SLC22A23: variants seen among roughly 807,000 people sequenced by gnomAD.
SLC22A23 encodes the protein ion transporter protein.
SLC22A23 carries 26 observed loss-of-function variants against 61.0 expected under a neutral mutation model. The ratio of observed to expected loss-of-function variants is 0.43; its 90% CI spans 0.31 to 0.59. SLC22A23 has a LOEUF of 0.59. SLC22A23 is among the 20% of genes least tolerant of loss of function. The pLI is 0.11. For missense variants in SLC22A23, 796 were observed against 934.7 expected (o/e 0.85, Z 1.94); for synonymous variants, 430 against 413.9 (o/e 1.04, Z -0.47).
intron 3 of SLC22A23, among the ~76,000 whole-genome samples, chr6:3,404,901 C>T (rs1266236715): frequency 1.3e-5 from 2 of 151,848 alleles, no homozygotes; most frequent in African/African-American, 2.4e-5. Flanking sequence ...CAATCTGCTC[C>T]GATTTCCCTG....
chr6:3,279,509 CAAAAAAAAAAAAAA>C (rs10642564), intron 9 of SLC22A23, among the ~76,000 whole-genome samples: 22 of 36,016 alleles, frequency 6.1e-4, no homozygotes, highest in Non-Finnish European at 1.1e-3. Context: ...GGCTCCGTCT[CAAAAAAAAAAAAAA>C]AAAAAAAAAA....
rs558239608 is a variant in SLC22A23, at chr6:3,381,471, C to T, written c.913+28717G>A. Among the ~76,000 whole-genome samples the T allele has an allele frequency of 2.6e-5, 4 of 152,252 alleles. No homozygotes were observed. The South Asian group carries it at 6.2e-4, about 24-fold the overall frequency. ...TGACTGAGTAGCCTCAGTGGTGAGG[C>T]GTTTCAGGACCAGTCCCCAATAAAA... On this transcript the variant is annotated intron_variant, in intron 3 of 9. Coordinates refer to ENST00000406686, the MANE Select transcript of SLC22A23 (RefSeq NM_015482.2).
intron 4 of SLC22A23, among the ~76,000 whole-genome samples, chr6:3,321,057 CAG>C (rs1172510142): frequency 6.6e-5 from 10 of 152,304 alleles, no homozygotes; most frequent in African/African-American, 2.2e-4. Context: ...ACCTGAGGCA[CAG>C]AGAGATTAAG....
chr6:3,416,151 T>C (rs1009591688), intron 1 of SLC22A23, among the ~76,000 whole-genome samples: 5 of 152,232 alleles, frequency 3.3e-5, no homozygotes, highest in Non-Finnish European at 7.3e-5. Context: ...AAATGTAAAC[T>C]GAGGCAGAGG....
At chr6:3,415,092 G>C (rs1227887253) in intron 2 of SLC22A23, among the ~76,000 whole-genome samples, 2 of 152,198 alleles carry the variant, frequency 1.3e-5, no homozygotes, top group East Asian at 3.8e-4. Flanking sequence ...AGATGTTAAT[G>C]TATGGAACTA....
Position 3,272,961 on chromosome 6 carries a change from G to A in SLC22A23, c.*94C>T, listed in dbSNP as rs1758569099. ...TGAGAGGCTCAGCTTGGCTGAGGCA[G>A]CTTTCCCACCCCTGGCTGCGTGTTC... is the stretch of plus-strand genomic sequence containing the variant. On this transcript the variant is annotated 3_prime_UTR_variant, in exon 10 of 10. Transcript: ENST00000406686. 3.3e-6 allele frequency: 4 copies of A among 1,197,724 alleles called. No individual in the cohort carries two copies. The highest frequency in any genetic ancestry group is 4.6e-6 in the Non-Finnish European group (4 of 866,164). The allele number at this position is 1,197,724 out of a possible 1,614,324, so 74.2% of individuals were successfully genotyped here. A position where few individuals can be genotyped will look rare whatever the true frequency, so the allele number is the denominator to read the frequency against.
intron 3 of SLC22A23, among the ~76,000 whole-genome samples, chr6:3,405,378 G>A (rs1355019239): frequency 6.6e-6 from 1 of 152,166 alleles, no homozygotes; most frequent in Non-Finnish European, 1.5e-5. Flanking sequence ...TTTTTGCCCT[G>A]AGAACTTGCT....
chr6:3,433,144 C>T (rs1042986865), intron 1 of SLC22A23, among the ~76,000 whole-genome samples: 2 of 152,230 alleles, frequency 1.3e-5, no homozygotes, highest in African/African-American at 4.8e-5. Context: ...GAGATGCCTA[C>T]AGAGAGGCGG....
Position 3,308,606 on chromosome 6 carries a change from C to G in SLC22A23, c.1083-10388G>C, listed in dbSNP as rs1282012898. On this transcript the variant is annotated intron_variant, in intron 4 of 9. Coordinates refer to ENST00000406686, the MANE Select transcript of SLC22A23 (RefSeq NM_015482.2). The surrounding 1 kb of genome is among the most constrained non-coding windows in gnomAD (Gnocchi z 5.1). ...GATCAAACCTCACAAAAACGTGAAC[C>G]ATGCCATTTTCCAGCATGTACTTGG... is the stretch of plus-strand genomic sequence containing the variant. 2.6e-5 allele frequency among the ~76,000 whole-genome samples: 4 copies of G among 152,138 alleles called. No individual in the cohort carries two copies. The highest frequency in any genetic ancestry group is 2.1e-4 in the South Asian group (1 of 4,824).
intron 1 of SLC22A23, among the ~76,000 whole-genome samples, chr6:3,448,650 C>G (rs1037111584): frequency 6.6e-6 from 1 of 152,134 alleles, no homozygotes; most frequent in South Asian, 2.1e-4. Flanking sequence ...CCCGCCACCA[C>G]GCCCTCCTAA....
At position 3,322,730 on chromosome 6, in the gene SLC22A23, T is replaced by C. The variant is rs1763032260; in HGVS notation, c.1082+1104A>G. ...GGGCAGGGGCGGGGGGCAGTACCACTAAGCCAAAAGGTAGGTGCTTTCTTC... is the reference window on the plus strand; with the variant it reads ...GGGCAGGGGCGGGGGGCAGTACCACCAAGCCAAAAGGTAGGTGCTTTCTTC... On this transcript the variant is annotated intron_variant, in intron 4 of 9. Transcript: ENST00000406686. The surrounding 1 kb of genome is among the most constrained non-coding windows in gnomAD (Gnocchi z 4.1). Among the ~76,000 whole-genome samples, 1 of 152,148 alleles carries C rather than the reference T, an allele frequency of 6.6e-6. No individual in the cohort carries two copies. Among genetic ancestry groups the C allele is most frequent in the African/African-American group, 2.4e-5 (1 of 41,430 alleles).
intron 6 of SLC22A23, among the ~76,000 whole-genome samples, chr6:3,287,423 G>T (rs1451946722): frequency 6.6e-6 from 1 of 152,050 alleles, no homozygotes; most frequent in Non-Finnish European, 1.5e-5. Flanking sequence ...CGCTTTCCAG[G>T]TACTGACTCA....
intron 3 of SLC22A23, among the ~76,000 whole-genome samples, chr6:3,374,876 A>G (rs1201067172): frequency 2.0e-5 from 3 of 152,188 alleles, no homozygotes; most frequent in Non-Finnish European, 4.4e-5. Context: ...TTCCCACTTT[A>G]TCCTTTTAGG....
chr6:3,319,056 C>T (rs540805598), intron 4 of SLC22A23, among the ~76,000 whole-genome samples: 52 of 152,204 alleles, frequency 3.4e-4, no homozygotes, highest in Non-Finnish European at 5.4e-4. Context: ...CCCGGCTCTA[C>T]GCCTTCTCCA....
At chr6:3,331,921 G>A (rs1763600905) in intron 3 of SLC22A23, among the ~76,000 whole-genome samples, 1 of 152,208 alleles carries the variant, frequency 6.6e-6, no homozygotes, top group Admixed American at 6.5e-5. Flanking sequence ...TTAAGGTGGA[G>A]AGCACAGCTT....
chr6:3,347,384 G>A (rs986968224), intron 3 of SLC22A23, among the ~76,000 whole-genome samples: 1 of 152,102 alleles, frequency 6.6e-6, no homozygotes. Context: ...GAGTGTTGGC[G>A]GCTGACCTGA....
chr6:3,439,913 T>G (rs1771477697), intron 1 of SLC22A23, among the ~76,000 whole-genome samples: 1 of 151,958 alleles, frequency 6.6e-6, no homozygotes, highest in Non-Finnish European at 1.5e-5. Flanking sequence ...AACAAATCGG[T>G]GGGTGGAGCT....
chr6:3,327,849 T>A lies in SLC22A23; in HGVS notation c.914-3847A>T, dbSNP rs1384775358. ...TACATAGCCTGAAGGTAATTTTATA[T>A]GAGATTTTGAATAATTTTGTGCATG... On this transcript the variant is annotated intron_variant, in intron 3 of 9. Coordinates refer to ENST00000406686, the MANE Select transcript of SLC22A23 (RefSeq NM_015482.2). This position sits in a 1 kb window ranked among gnomAD's most constrained non-coding sequence, Gnocchi z 4.1. Among the ~76,000 whole-genome samples, 5 of 152,172 alleles carry A rather than the reference T, an allele frequency of 3.3e-5. No individual in the cohort carries two copies. Among genetic ancestry groups the A allele is most frequent in the African/African-American group, 1.2e-4 (5 of 41,434 alleles).
chr6:3,456,534 G>T lies in SLC22A23; in HGVS notation c.26C>A (p.Ala9Glu). The T allele has an allele frequency of 4.1e-6, 4 of 986,086 alleles. No individual in the cohort carries two copies. Among genetic ancestry groups the T allele is most frequent in the Non-Finnish European group, 4.8e-6 (4 of 832,292 alleles). The allele number at this position is 986,086 out of a possible 1,614,324, so 61.1% of individuals were successfully genotyped here. MAIDRRREAAGGGPGRQPA... is the reference protein window; with the variant it reads MAIDRRREEAGGGPGRQPA... ...CTGCCGCCCAGGCCCGCCGCCCGCC[G>T]CCTCGCGCCGCCGGTCTATGGCCAT... Residue 9 changes from alanine (A) to glutamate (E), a missense_variant, in exon 1 of 10, where the codon GCG (alanine) becomes GAG (glutamate). Physicochemically the swap from Ala to Glu is moderately radical, Grantham distance 107 (BLOSUM62 -1). Transcript: ENST00000406686. The surrounding 1 kb of genome is among the most constrained non-coding windows in gnomAD (Gnocchi z 7.1).
Sources: gnomAD v4.1 joint callset for allele counts (sites outside exome capture counted in the v4.1 genomes callset) on GRCh38, gnomAD v4.1.1 for gene constraint, Gnocchi (gnomAD v3.1) non-coding constraint, MANE v1.5 for transcripts, NCBI Gene and HGNC (gene_info 2026-07-23, HGNC 2026-07-21) for gene names.